The following MOCOS variants were observed in gnomAD, a reference collection of about 807,000 sequenced individuals.
MOCOS encodes human molybdenum cofactor sulfurase.
MOCOS carries 86 observed loss-of-function variants against 83.6 expected under a neutral mutation model. That is an observed-to-expected ratio of 1.03 (90% confidence interval 0.86 to 1.23). The LOEUF (loss-of-function observed/expected upper bound fraction) is 1.23. Ranked by LOEUF, MOCOS falls within the 50% of genes most tolerant of loss-of-function variation. The probability of loss-of-function intolerance (pLI) is 0.00; values close to 1 mark genes in which losing one functional copy is unlikely to be tolerated. For missense variants in MOCOS, 1,120 were observed against 1,126.9 expected, an observed-to-expected ratio of 0.99 and a Z score of 0.09; for synonymous variants, 445 against 434.7, an observed-to-expected ratio of 1.02 and a Z score of -0.29.
chr18:36,217,461 G>C (rs1191541574), intron 8 of MOCOS, among the ~76,000 whole-genome samples: 3 of 151,936 alleles, frequency 2.0e-5, no homozygotes, highest in Non-Finnish European at 4.4e-5. Context: ...GCTCCCTTAT[G>C]TGTGCACTGC....
intron 1 of MOCOS, among the ~76,000 whole-genome samples, chr18:36,193,247 C>T (rs1272330243): frequency 1.5e-5 from 2 of 133,838 alleles, no homozygotes; most frequent in Non-Finnish European, 3.1e-5. Flanking sequence ...GGAAGCGGAG[C>T]TTGCAGTGAG....
intron 5 of MOCOS, among the ~76,000 whole-genome samples, chr18:36,203,406 C>T (rs2091422041): frequency 1.3e-5 from 2 of 152,192 alleles, no homozygotes; most frequent in Admixed American, 1.3e-4. Flanking sequence ...GCTAAAATAA[C>T]ATTTTAACAG....
At chr18:36,245,684 A>G (rs1278610041) in intron 9 of MOCOS, among the ~76,000 whole-genome samples, 2 of 152,190 alleles carry the variant, frequency 1.3e-5, no homozygotes, top group African/African-American at 4.8e-5. Context: ...TAGTGAGATC[A>G]GAGAAGTTTT....
chr18:36,193,358 T>TAAAAAAAA (rs2091374391), intron 1 of MOCOS, among the ~76,000 whole-genome samples: 1 of 119,880 alleles, frequency 8.3e-6, no homozygotes, highest in Non-Finnish European at 1.7e-5. Flanking sequence ...AAAAAAAAGT[T>TAAAAAAAA]ACAGAATGAG....
At chr18:36,253,872 C>T (rs1360666801) in intron 11 of MOCOS, among the ~76,000 whole-genome samples, 1 of 152,004 alleles carries the variant, frequency 6.6e-6, no homozygotes, top group Admixed American at 6.6e-5. Context: ...GGCTGCGGAA[C>T]TCACTGGAGG....
chr18:36,209,034 T>G (rs2091444683), intron 6 of MOCOS, among the ~76,000 whole-genome samples: 1 of 152,208 alleles, frequency 6.6e-6, no homozygotes, highest in Non-Finnish European at 1.5e-5. Flanking sequence ...GCCTTTTCTG[T>G]GTCTATTGAG....
chr18:36,238,915 T>A (rs1447883611), intron 9 of MOCOS, among the ~76,000 whole-genome samples: 3 of 148,854 alleles, frequency 2.0e-5, no homozygotes, highest in African/African-American at 7.4e-5. Context: ...TTTTGATCTT[T>A]GTTGGTTTAA....
intron 9 of MOCOS, among the ~76,000 whole-genome samples, chr18:36,246,283 G>T (rs1179226230): frequency 6.6e-6 from 1 of 152,126 alleles, no homozygotes; most frequent in Non-Finnish European, 1.5e-5. Context: ...GGGACTCAAG[G>T]GCTGCTATTC....
chr18:36,222,839 A>G (rs916223933), intron 9 of MOCOS, among the ~76,000 whole-genome samples: 4 of 152,166 alleles, frequency 2.6e-5, no homozygotes, highest in Admixed American at 6.5e-5. Context: ...TGACCTTGTG[A>G]TCTGCCTGCC....
rs2091691643 is a variant in MOCOS, at chr18:36,269,215, A to T, written c.*530A>T. The T allele has an allele frequency of 6.3e-6, 1 of 159,468 alleles. No individual in the cohort carries two copies. Among genetic ancestry groups the T allele is most frequent in the Admixed American group, 6.0e-5 (1 of 16,716 alleles). The allele number at this position is 159,468 out of a possible 1,614,324, so 9.9% of individuals were successfully genotyped here. On this transcript the variant is annotated 3_prime_UTR_variant, in exon 15 of 15. Coordinates refer to ENST00000261326, the MANE Select transcript of MOCOS (RefSeq NM_017947.4). Reference sequence around the variant, plus strand: ...ACTTGTGACCACATTCCTTGAGGGGAGTTTCTACCAGAATATTTATATTCT... The same window carrying T: ...ACTTGTGACCACATTCCTTGAGGGGTGTTTCTACCAGAATATTTATATTCT...
chr18:36,249,495 C>T (rs1191029926), intron 10 of MOCOS, among the ~76,000 whole-genome samples: 5 of 152,018 alleles, frequency 3.3e-5, no homozygotes, highest in Non-Finnish European at 7.3e-5. Flanking sequence ...GTCAAGAGGA[C>T]AGTGTGGGGT....
In MOCOS at chr18:36,269,553, T is replaced by C. The variant is rs146724180; in HGVS notation, c.*868T>C. ...CCAGTGAGGAAATCTCATTCTCTAATGAAGTTACCCATCCCGCTGAGTTTC... is the reference window on the plus strand; with the variant it reads ...CCAGTGAGGAAATCTCATTCTCTAACGAAGTTACCCATCCCGCTGAGTTTC... On this transcript the variant is annotated 3_prime_UTR_variant, in exon 15 of 15. Transcript: ENST00000261326. 1 of 152,274 alleles carries C rather than the reference T, an allele frequency of 6.6e-6. No individual in the cohort carries two copies. Among genetic ancestry groups the C allele is most frequent in the African/African-American group, 2.4e-5 (1 of 41,460 alleles). 9.4% of individuals were successfully genotyped at this position (152,274 alleles called of 1,614,324 possible).
At chr18:36,217,035 G>A (rs1005346725) in intron 8 of MOCOS, among the ~76,000 whole-genome samples, 1 of 152,184 alleles carries the variant, frequency 6.6e-6, no homozygotes, top group Non-Finnish European at 1.5e-5. Flanking sequence ...TGAAAGACAA[G>A]AGGAGACTGA....
rs371556118 is a variant in MOCOS at position 36,200,304 on chromosome 18, G to A, written c.921G>A (p.Pro307=). ...TAGCAGGAGAAGACTTCTACATCCC[G>A]AGGCAGTCGGTAGCTCAGAGGTAAC... ...AYLAGEDFYI[P]RQSVAQRFED... The change falls in exon 4 of 15, where the codon CCG becomes CCA. Residue 307 remains proline (P), a synonymous_variant. Transcript: ENST00000261326. 15 of 1,614,080 alleles carry A rather than the reference G, an allele frequency of 9.3e-6. No individual in the cohort carries two copies. The African/African-American group carries it at 9.3e-5, about 10-fold the overall frequency.
intron 9 of MOCOS, among the ~76,000 whole-genome samples, chr18:36,240,657 C>A (rs1598587565): frequency 6.6e-6 from 1 of 152,154 alleles, no homozygotes; most frequent in Non-Finnish European, 1.5e-5. Flanking sequence ...CTGTGGTGGG[C>A]TCCACCCAGT....
intron 12 of MOCOS, among the ~76,000 whole-genome samples, 159 bp downstream of exon 12, chr18:36,257,232 CT>C (rs1568068807): frequency 6.6e-6 from 1 of 152,182 alleles, no homozygotes; most frequent in Non-Finnish European, 1.5e-5. Context: ...TAAGCAGGCC[CT>C]TTTGTCCAGC....
Position 36,240,042 on chromosome 18 carries a change from T to G in MOCOS, c.1961-8880T>G, listed in dbSNP as rs866248119. Among the ~76,000 whole-genome samples, 287 of 120,474 alleles carry G rather than the reference T, an allele frequency of 2.4e-3. 2 individuals carry two copies. Among genetic ancestry groups the G allele is most frequent in the African/African-American group, 9.2e-3 (273 of 29,612 alleles). 79.0% of individuals were successfully genotyped at this position (120,474 alleles called of 152,430 possible). On this transcript the variant is annotated intron_variant, in intron 9 of 14. Coordinates refer to ENST00000261326, the MANE Select transcript of MOCOS (RefSeq NM_017947.4). The stretch of plus-strand genomic sequence containing the variant: ...ATTCTAGTTATACATTCTTCTAAAT[T>G]TTTTTCAAAGTTTTCAACTTCTTTG...
Position 36,271,810 on chromosome 18 carries a change from T to G in MOCOS, c.*3125T>G, listed in dbSNP as rs1225679140. 6.6e-6 allele frequency: 1 copy of G among 152,196 alleles called. No homozygotes were observed. The highest frequency in any genetic ancestry group is 2.4e-5 in the African/African-American group (1 of 41,452). 9.4% of individuals were successfully genotyped at this position (152,196 alleles called of 1,614,324 possible). A position where few individuals can be genotyped will look rare whatever the true frequency, so the allele number is the denominator to read the frequency against. On this transcript the variant is annotated 3_prime_UTR_variant, in exon 15 of 15. Coordinates refer to ENST00000261326, the MANE Select transcript of MOCOS (RefSeq NM_017947.4). ...GACTTCTCCCCATTGAGAGTCAGCCTCATCCCCTCCTCAGCCTTGTGGATG... is the reference window on the plus strand; with the variant it reads ...GACTTCTCCCCATTGAGAGTCAGCCGCATCCCCTCCTCAGCCTTGTGGATG...
At chr18:36,263,928 G>A (rs530037012) in intron 13 of MOCOS, among the ~76,000 whole-genome samples, 337 of 152,224 alleles carry the variant, frequency 2.2e-3, no homozygotes, top group Non-Finnish European at 3.7e-3. Flanking sequence ...TATAATCCCA[G>A]CACTTTGGGA....
Sources: allele counts gnomAD v4.1 joint callset (sites outside exome capture counted in the v4.1 genomes callset), GRCh38; gene constraint gnomAD v4.1.1; transcripts MANE v1.5; gene names NCBI Gene and HGNC (gene_info 2026-07-23, HGNC 2026-07-21).